Variants in ERI3 observed in about 807,000 individuals in gnomAD.
ERI3 encodes ERI1 exoribonuclease family member 3.
In ERI3, 18 loss-of-function variants were observed where a neutral mutation model predicts 44.4. The observed-to-expected ratio is 0.41, with a 90% CI of 0.28 to 0.60. The LOEUF (loss-of-function observed/expected upper bound fraction) is 0.60. Among genes scored for constraint, ERI3 ranks in the 20% least tolerant of loss-of-function variants. ERI3 has a pLI of 0.36. For synonymous variants in ERI3, 183 were observed against 164.8 expected, an observed-to-expected ratio of 1.11 and a Z score of -0.84; for missense variants, 294 against 435.5, an observed-to-expected ratio of 0.68 and a Z score of 2.89.
At chr1:44,348,431 C>G (rs904570320) in intron 2 of ERI3, among the ~76,000 whole-genome samples, 1 of 152,216 alleles carries the variant, frequency 6.6e-6, no homozygotes, top group Non-Finnish European at 1.5e-5. Flanking sequence ...AACAGGCATA[C>G]TAATGGCCTC....
chr1:44,223,764 C>CA (rs1643963019), intron 8 of ERI3, among the ~76,000 whole-genome samples: 1 of 152,198 alleles, frequency 6.6e-6, no homozygotes, highest in African/African-American at 2.4e-5. Flanking sequence ...TGTGCCTGGC[C>CA]CTGTGCTGGG....
chr1:44,234,577 T>C (rs1644261951), intron 8 of ERI3, among the ~76,000 whole-genome samples: 1 of 151,838 alleles, frequency 6.6e-6, no homozygotes, highest in African/African-American at 2.4e-5. Flanking sequence ...AACAATCACT[T>C]GAAAACAGGA....
At chr1:44,257,546 C>T (rs1402537833) in intron 7 of ERI3, among the ~76,000 whole-genome samples, 1 of 152,198 alleles carries the variant, frequency 6.6e-6, no homozygotes, top group Non-Finnish European at 1.5e-5. Flanking sequence ...CAGGGCTTAG[C>T]TGGGGCCTTC....
At chr1:44,281,293 A>G (rs974181585) in intron 7 of ERI3, among the ~76,000 whole-genome samples, 2 of 152,114 alleles carry the variant, frequency 1.3e-5, no homozygotes, top group Admixed American at 6.5e-5. Context: ...GGCATTCAAA[A>G]TATTTGTTTA....
At position 44,221,768 on chromosome 1, in the gene ERI3, C is replaced by T; in HGVS notation, c.932-128G>A. On this transcript the variant is annotated intron_variant, in intron 8 of 8. Transcript: ENST00000372257. The surrounding 1 kb of genome is among the most constrained non-coding windows in gnomAD (Gnocchi z 5.9). ...AGACACAGGCTTTAGAGAGGGTGGT[C>T]CCATCCCCTGGTGGCAGCATTCCTA... 1 of 713,020 alleles carries T rather than the reference C, an allele frequency of 1.4e-6. No homozygotes were observed. Among genetic ancestry groups the T allele is most frequent in the Middle Eastern group, 2.8e-4 (1 of 3,624 alleles). The allele number at this position is 713,020 out of a possible 1,614,324, so 44.2% of individuals were successfully genotyped here.
intron 7 of ERI3, among the ~76,000 whole-genome samples, chr1:44,257,296 T>G (rs1271863163): frequency 6.6e-6 from 1 of 152,126 alleles, no homozygotes; most frequent in African/African-American, 2.4e-5. Flanking sequence ...GTTAAGGCAG[T>G]TGGCTCAATG....
chr1:44,337,742 A>G (rs146941924), intron 3 of ERI3, among the ~76,000 whole-genome samples: 1 of 152,330 alleles, frequency 6.6e-6, no homozygotes, highest in East Asian at 1.9e-4. Flanking sequence ...ATAATTTACC[A>G]TTTTGAAGAC....
At chr1:44,353,792 C>T (rs1646943005) in intron 1 of ERI3, 1 of 985,348 alleles carries the variant, frequency 1.0e-6, no homozygotes, top group South Asian at 4.7e-5. Flanking sequence ...ATTTGGAGTG[C>T]TTAAGTTGCC....
In ERI3 at chr1:44,260,998, G is replaced by GT. The variant is rs74667521; in HGVS notation, c.832-12961dup. Among the ~76,000 whole-genome samples, 19 of 152,194 alleles carry GT rather than the reference G, an allele frequency of 1.2e-4. 1 individual carries two copies. The Middle Eastern group carries it at 0.017, about 136-fold the overall frequency. Reference sequence around the variant, plus strand: ...TTCTTACCTGATTGGTCTAGGGATTGTTTTTTATCACTCCCTGACCCCTGA... The same window carrying GT: ...TTCTTACCTGATTGGTCTAGGGATTGTTTTTTTATCACTCCCTGACCCCTGA... On this transcript the variant is annotated intron_variant, in intron 7 of 8. Coordinates refer to ENST00000372257, the MANE Select transcript of ERI3 (RefSeq NM_024066.3).
At chr1:44,224,945 T>A (rs189516721) in intron 8 of ERI3, among the ~76,000 whole-genome samples, 104 of 152,218 alleles carry the variant, frequency 6.8e-4, no homozygotes, top group Admixed American at 8.5e-4. Flanking sequence ...ATATATATAT[T>A]TTGTTTTTTA....
chr1:44,241,166 T>A lies in ERI3; in HGVS notation c.931+6773A>T, dbSNP rs573474288. ...GGCTGGCCTGGTCTGGGCCCTGACA[T>A]TGTCTCTCACCTTAAACCAGTGGTA... On this transcript the variant is annotated intron_variant, in intron 8 of 8. Transcript: ENST00000372257. This position sits in a 1 kb window ranked among gnomAD's most constrained non-coding sequence, Gnocchi z 5.6. Among the ~76,000 whole-genome samples the A allele has an allele frequency of 7.9e-5, 12 of 152,280 alleles. No individual in the cohort carries two copies. The East Asian group carries it at 2.3e-3, about 29-fold the overall frequency.
rs569366440 is a variant in ERI3 at position 44,316,765 on chromosome 1, A to T, written c.606+2863T>A. 4.6e-5 allele frequency among the ~76,000 whole-genome samples: 7 copies of T among 152,240 alleles called. No homozygotes were observed. The South Asian group carries it at 1.5e-3, about 32-fold the overall frequency. On this transcript the variant is annotated intron_variant, in intron 4 of 8. Transcript: ENST00000372257. ...CACTTAGCAAAATGAGTATTTCTCT[A>T]GTTTTTTTTTCATGATAACAACAAC...
intron 3 of ERI3, among the ~76,000 whole-genome samples, chr1:44,330,396 T>C (rs1451041181): frequency 6.6e-6 from 1 of 152,214 alleles, no homozygotes; most frequent in East Asian, 1.9e-4. Flanking sequence ...CCAGATCTCC[T>C]TACTGGCCAA....
chr1:44,272,841 AAAAATAAAAT>A lies in ERI3; in HGVS notation c.831+11984_831+11993del, dbSNP rs3054072. Among the ~76,000 whole-genome samples, 220 of 146,634 alleles carry A rather than the reference AAAAATAAAAT, an allele frequency of 1.5e-3. 3 individuals carry two copies. Among genetic ancestry groups the A allele is most frequent in the South Asian group, 2.5e-3 (11 of 4,488 alleles). On this transcript the variant is annotated intron_variant, in intron 7 of 8. Transcript: ENST00000372257. Reference sequence around the variant, plus strand: ...GGTGACAGAGCAAGAGACTGTCTCAAAAAATAAAATAAAATAAAATAAAATAAAATAAAAT... The same window carrying A: ...GGTGACAGAGCAAGAGACTGTCTCAAAAAATAAAATAAAATAAAATAAAAT...
intron 4 of ERI3, 23 bp from the exon 5 acceptor site, chr1:44,313,251 G>T (rs886540984): frequency 1.2e-6 from 2 of 1,612,864 alleles, no homozygotes; most frequent in African/African-American, 2.7e-5. Context: ...AGAAATAGCC[G>T]ATGGGTAGAA....
chr1:44,267,196 T>C (rs1454296652), intron 7 of ERI3, among the ~76,000 whole-genome samples: 1 of 152,180 alleles, frequency 6.6e-6, no homozygotes, highest in Non-Finnish European at 1.5e-5. Context: ...GAAGCTAGCA[T>C]ACTTAGGTAA....
intron 7 of ERI3, among the ~76,000 whole-genome samples, chr1:44,279,308 T>A (rs1334798252): frequency 1.3e-5 from 2 of 152,016 alleles, no homozygotes; most frequent in Non-Finnish European, 1.5e-5. Flanking sequence ...CACTGCAGCC[T>A]CAAACTCCTG....
At chr1:44,243,953 A>G (rs1208461328) in intron 8 of ERI3, 1 of 152,230 alleles carries the variant, frequency 6.6e-6, no homozygotes, top group Non-Finnish European at 1.5e-5. Flanking sequence ...CCAACTGGCT[A>G]TGTGACCTTA....
chr1:44,251,061 C>T (rs902260762), intron 7 of ERI3, among the ~76,000 whole-genome samples: 1 of 152,216 alleles, frequency 6.6e-6, no homozygotes, highest in Non-Finnish European at 1.5e-5. Flanking sequence ...CAGCTCCTGC[C>T]ATCTTGGGTA....
Sources: gnomAD v4.1 joint callset for allele counts (sites outside exome capture counted in the v4.1 genomes callset) on GRCh38, gnomAD v4.1.1 for gene constraint, Gnocchi (gnomAD v3.1) non-coding constraint, MANE v1.5 for transcripts, NCBI Gene and HGNC (gene_info 2026-07-23, HGNC 2026-07-21) for gene names.